Variants in COL8A1 observed in about 807,000 individuals in gnomAD.
COL8A1 encodes collagen type VIII alpha 1 chain, also known as collagen alpha-1(VIII) chain.
A neutral mutation model predicts 42.7 loss-of-function variants in COL8A1; 21 were observed. That is an observed-to-expected ratio of 0.49 (90% CI 0.35 to 0.71). The LOEUF (loss-of-function observed/expected upper bound fraction) is 0.71, where lower values mean the gene tolerates loss of function less well. Among genes scored for constraint, COL8A1 ranks in the 30% least tolerant of loss-of-function variants. The probability of loss-of-function intolerance (pLI) is 0.01; values close to 1 mark genes in which losing one functional copy is unlikely to be tolerated. For synonymous variants in COL8A1, 367 were observed against 369.1 expected, an observed-to-expected ratio of 0.99 and a Z score of 0.06; for missense variants, 788 against 962.4, an observed-to-expected ratio of 0.82 and a Z score of 2.40.
At chr3:99,734,271 T>C (rs1241608582) in intron 1 of COL8A1, among the ~76,000 whole-genome samples, 1 of 139,984 alleles carries the variant, frequency 7.1e-6, no homozygotes, top group Admixed American at 6.9e-5. Flanking sequence ...TCTAGGGTTT[T>C]TAGGGTTTTA....
chr3:99,734,722 T>A (rs1472151950), intron 1 of COL8A1, among the ~76,000 whole-genome samples: 1 of 151,946 alleles, frequency 6.6e-6, no homozygotes, highest in Non-Finnish European at 1.5e-5. Context: ...TGGCATTGAA[T>A]CTGTAAATTA....
chr3:99,788,421 T>C (rs573348656), intron 2 of COL8A1, among the ~76,000 whole-genome samples: 1 of 152,318 alleles, frequency 6.6e-6, no homozygotes, highest in Admixed American at 6.5e-5. Context: ...ATCCACTGAA[T>C]TGATGGAAGG....
At chr3:99,716,766 T>G (rs1232379730) in intron 1 of COL8A1, among the ~76,000 whole-genome samples, 1 of 152,072 alleles carries the variant, frequency 6.6e-6, no homozygotes, top group Non-Finnish European at 1.5e-5. Context: ...TGCTGAATAT[T>G]TGACCCTAAA....
intron 1 of COL8A1, among the ~76,000 whole-genome samples, chr3:99,711,667 C>A (rs1366137622): frequency 2.6e-5 from 4 of 152,072 alleles, no homozygotes; most frequent in African/African-American, 9.7e-5. Context: ...GTCCTCAGAC[C>A]ATTGACAAAC....
chr3:99,773,840 T>TATATATATATATATATATA (rs1941638703), intron 2 of COL8A1, among the ~76,000 whole-genome samples: 1 of 95,586 alleles, frequency 1.0e-5, no homozygotes, highest in Non-Finnish European at 2.0e-5. Context: ...TATATATATT[T>TATATATATATATATATATA]TTTTTTTTTT....
At chr3:99,682,725 A>G (rs1576428499) in intron 1 of COL8A1, among the ~76,000 whole-genome samples, 5 of 152,128 alleles carry the variant, frequency 3.3e-5, no homozygotes, top group Admixed American at 3.3e-4. Context: ...AAGCTCTCCA[A>G]TGCTCAATTT....
intron 2 of COL8A1, among the ~76,000 whole-genome samples, chr3:99,771,280 ATAAG>A (rs1191561509): frequency 3.9e-5 from 6 of 152,348 alleles, no homozygotes; most frequent in African/African-American, 1.4e-4. Flanking sequence ...CATTTGTTAA[ATAAG>A]AGAGAATATT....
At chr3:99,730,327 G>T (rs1940464568) in intron 1 of COL8A1, among the ~76,000 whole-genome samples, 1 of 152,086 alleles carries the variant, frequency 6.6e-6, no homozygotes, top group Admixed American at 6.6e-5. Context: ...TTCAAAACTG[G>T]TGAAGATAGG....
At chr3:99,712,767 G>A (rs1413566452) in intron 1 of COL8A1, among the ~76,000 whole-genome samples, 1 of 152,016 alleles carries the variant, frequency 6.6e-6, no homozygotes, top group Non-Finnish European at 1.5e-5. Flanking sequence ...TTATCACCCT[G>A]GCTTGCCCAG....
Position 99,795,325 on chromosome 3 carries a change from T to C in COL8A1, c.1424T>C (p.Val475Ala), listed in dbSNP as rs769718712. The stretch of plus-strand genomic sequence containing the variant: ...AAAGGTGTACCAGGACTCCCTGGTG[T>C]TCCAGGGCTTCTCGGACCTAAGGGA... ...GQKGVPGLPG[V>A]PGLLGPKGEP... Residue 475 changes from valine (V) to alanine (A), a missense_variant, in exon 4 of 4, where the codon GTT (valine) becomes GCT (alanine). This residue lies in a region of COL8A1 where 154 missense variants were observed against 182.3 expected (regional missense o/e 0.84). Coordinates refer to ENST00000652472, the MANE Select transcript of COL8A1 (RefSeq NM_020351.4). The C allele has an allele frequency of 4.4e-6, 7 of 1,603,902 alleles. No homozygotes were observed. The South Asian group carries it at 5.6e-5, about 13-fold the overall frequency.
chr3:99,697,027 C>T (rs1939393841), intron 1 of COL8A1, among the ~76,000 whole-genome samples: 1 of 138,652 alleles, frequency 7.2e-6, no homozygotes, highest in African/African-American at 2.7e-5. Context: ...CGCTCTGTCG[C>T]CCAGGCTGGA....
intron 2 of COL8A1, among the ~76,000 whole-genome samples, chr3:99,745,679 A>G (rs1941010754): frequency 6.6e-6 from 1 of 152,208 alleles, no homozygotes; most frequent in African/African-American, 2.4e-5. Flanking sequence ...ACAGAGCATG[A>G]TATGATGGAA....
chr3:99,749,012 ATAAT>A (rs1390123158), intron 2 of COL8A1, among the ~76,000 whole-genome samples: 1 of 152,206 alleles, frequency 6.6e-6, no homozygotes, highest in Non-Finnish European at 1.5e-5. Context: ...ATGTAAAATA[ATAAT>A]TATATATAAC....
intron 2 of COL8A1, among the ~76,000 whole-genome samples, chr3:99,778,502 A>G (rs1205423926): frequency 2.0e-5 from 3 of 152,350 alleles, no homozygotes; most frequent in South Asian, 4.1e-4. Flanking sequence ...GAAATTTATC[A>G]TAGGTATAAA....
At chr3:99,776,470 G>A (rs1941694607) in intron 2 of COL8A1, among the ~76,000 whole-genome samples, 2 of 152,294 alleles carry the variant, frequency 1.3e-5, no homozygotes, top group East Asian at 1.9e-4. Flanking sequence ...CTAAAGTGGT[G>A]TGTGGTCATG....
chr3:99,752,078 C>G (rs183334385), intron 2 of COL8A1, among the ~76,000 whole-genome samples: 19 of 152,138 alleles, frequency 1.2e-4, no homozygotes, highest in African/African-American at 4.3e-4. Flanking sequence ...AGAATATACT[C>G]CTCATCCCCT....
chr3:99,665,561 T>A (rs1480515381), intron 1 of COL8A1, among the ~76,000 whole-genome samples: 1 of 152,196 alleles, frequency 6.6e-6, no homozygotes, highest in Non-Finnish European at 1.5e-5. Flanking sequence ...CAGCATCCAG[T>A]TACTTATGCC....
intron 2 of COL8A1, among the ~76,000 whole-genome samples, chr3:99,782,986 C>T (rs1477706063): frequency 1.3e-5 from 2 of 151,998 alleles, no homozygotes; most frequent in African/African-American, 2.4e-5. Flanking sequence ...GCAGCTGACA[C>T]TATTCCAGTT....
At chr3:99,725,525 A>C (rs2107375194) in intron 1 of COL8A1, among the ~76,000 whole-genome samples, 1 of 147,956 alleles carries the variant, frequency 6.8e-6, no homozygotes, top group Middle Eastern at 3.4e-3. Flanking sequence ...TTAACTTGTC[A>C]TTTAGCATTA....
Sources: gnomAD v4.1 joint callset for allele counts (sites outside exome capture counted in the v4.1 genomes callset) on GRCh38, gnomAD v4.1.1 for gene constraint, gnomAD v4.1.1 regional missense constraint, MANE v1.5 for transcripts, NCBI Gene and HGNC (gene_info 2026-07-23, HGNC 2026-07-21) for gene names.